Variants in PAK5 observed in about 807,000 individuals in gnomAD.
PAK5 encodes the protein serine/threonine-protein kinase PAK 5.
PAK5 carries 16 observed loss-of-function variants against 65.9 expected under a neutral mutation model. That is an observed-to-expected ratio of 0.24 (90% CI 0.16 to 0.37). The LOEUF (loss-of-function observed/expected upper bound fraction) is 0.37. PAK5 is among the 10% of genes least tolerant of loss of function. PAK5 has a pLI of 1.00. For synonymous variants in PAK5, 371 were observed against 354.9 expected, an observed-to-expected ratio of 1.05 and a Z score of -0.51; for missense variants, 785 against 903.9, an observed-to-expected ratio of 0.87 and a Z score of 1.69.
chr20:9,578,153 T>C (rs990616845), intron 4 of PAK5, among the ~76,000 whole-genome samples: 1 of 152,154 alleles, frequency 6.6e-6, no homozygotes, highest in African/African-American at 2.4e-5. Context: ...ACTTGAGTTC[T>C]TGTCCTTGTT....
intron 1 of PAK5, among the ~76,000 whole-genome samples, chr20:9,712,937 A>G (rs1645983289): frequency 6.6e-6 from 1 of 152,148 alleles, no homozygotes; most frequent in African/African-American, 2.4e-5. Context: ...TTGAGAAAAC[A>G]TTACAAGACA....
intron 3 of PAK5, among the ~76,000 whole-genome samples, chr20:9,589,966 A>C (rs1316311396): frequency 6.6e-6 from 1 of 152,158 alleles, no homozygotes; most frequent in African/African-American, 2.4e-5. Context: ...TCATCTTTAA[A>C]AATCAAGATG....
intron 3 of PAK5, among the ~76,000 whole-genome samples, chr20:9,626,894 T>G (rs2046852264): frequency 6.6e-6 from 1 of 152,122 alleles, no homozygotes; most frequent in Non-Finnish European, 1.5e-5. Context: ...CAGTCAACAA[T>G]CTCACCCTTT....
chr20:9,577,427 CCCT>C (rs2045905811), intron 4 of PAK5: 1 of 140,690 alleles, frequency 7.1e-6, no homozygotes, highest in Admixed American at 7.0e-5. Context: ...ACACACATGA[CCCT>C]CCTCATTTCT....
At position 9,832,934 on chromosome 20, in the gene PAK5, T is replaced by G. The variant is rs183204692; in HGVS notation, c.-162+5828A>C. On this transcript the variant is annotated intron_variant, in intron 1 of 9. Transcript: ENST00000353224. ...GTCATGTCATGTTTGGTGTCAATAT[T>G]GTTTTCCATGATTCTGTTCTGTTTA... Among the ~76,000 whole-genome samples, 406 of 152,358 alleles carry G rather than the reference T, an allele frequency of 2.7e-3. 2 individuals are homozygous for G. The highest frequency in any genetic ancestry group is 6.8e-3 in the Middle Eastern group (2 of 294).
intron 2 of PAK5, among the ~76,000 whole-genome samples, chr20:9,708,991 A>T (rs1008929418): frequency 6.6e-6 from 1 of 152,062 alleles, no homozygotes; most frequent in Non-Finnish European, 1.5e-5. Context: ...CTGAATAAAC[A>T]CCACTCCATT....
chr20:9,735,300 G>T (rs762187879), intron 1 of PAK5, among the ~76,000 whole-genome samples: 3 of 152,066 alleles, frequency 2.0e-5, no homozygotes, highest in Non-Finnish European at 4.4e-5. Context: ...AAGTGAGGCA[G>T]GAGTGAAAGG....
intron 1 of PAK5, among the ~76,000 whole-genome samples, chr20:9,730,639 A>T (rs2123552592): frequency 6.6e-6 from 1 of 152,318 alleles, no homozygotes. Context: ...TGGAGAAGCT[A>T]TGATGATATC....
intron 2 of PAK5, among the ~76,000 whole-genome samples, chr20:9,693,309 C>A (rs2047823041): frequency 6.6e-6 from 1 of 152,120 alleles, no homozygotes; most frequent in Non-Finnish European, 1.5e-5. Flanking sequence ...GGAGAAATGG[C>A]TTTGGCTTTT....
chr20:9,548,799 G>A (rs919911638), intron 7 of PAK5, among the ~76,000 whole-genome samples: 2 of 152,168 alleles, frequency 1.3e-5, no homozygotes, highest in Admixed American at 1.3e-4. Flanking sequence ...CAGATGAAAT[G>A]AAAATAACAT....
intron 3 of PAK5, among the ~76,000 whole-genome samples, chr20:9,582,742 A>G (rs1461620398): frequency 6.6e-6 from 1 of 152,002 alleles, no homozygotes; most frequent in Non-Finnish European, 1.5e-5. Context: ...TGCACAGGAG[A>G]CTTGCTTATT....
intron 4 of PAK5, among the ~76,000 whole-genome samples, chr20:9,575,127 C>T (rs1160062305): frequency 6.6e-6 from 1 of 152,224 alleles, no homozygotes; most frequent in Non-Finnish European, 1.5e-5. Context: ...GCAGTGAAAA[C>T]ACATTGAACT....
chr20:9,654,856 C>T (rs2123310501), intron 2 of PAK5, among the ~76,000 whole-genome samples: 1 of 152,272 alleles, frequency 6.6e-6, no homozygotes, highest in South Asian at 2.1e-4. Flanking sequence ...GACCCTCACC[C>T]AAAGTCTCTT....
intron 7 of PAK5, among the ~76,000 whole-genome samples, chr20:9,553,804 C>T (rs2045466827): frequency 6.6e-6 from 1 of 152,140 alleles, no homozygotes; most frequent in Non-Finnish European, 1.5e-5. Context: ...AAGAAAACTG[C>T]TATAAACATT....
At chr20:9,742,033 G>C (rs955131820) in intron 1 of PAK5, among the ~76,000 whole-genome samples, 1 of 152,046 alleles carries the variant, frequency 6.6e-6, no homozygotes, top group South Asian at 2.1e-4. Context: ...TGGTCCCAAG[G>C]TGAACAGATT....
chr20:9,760,613 CT>C (rs1489042784), intron 1 of PAK5, among the ~76,000 whole-genome samples: 2 of 145,918 alleles, frequency 1.4e-5, no homozygotes, highest in Non-Finnish European at 3.0e-5. Flanking sequence ...AGTTTAGCTT[CT>C]TTTTGAAGTT....
At chr20:9,674,411 A>G (rs2123379856) in intron 2 of PAK5, among the ~76,000 whole-genome samples, 1 of 152,348 alleles carries the variant, frequency 6.6e-6, no homozygotes, top group South Asian at 2.1e-4. Flanking sequence ...TTGGGGATCA[A>G]TACTAGAGGA....
chr20:9,608,168 C>T (rs1226557457), intron 3 of PAK5, among the ~76,000 whole-genome samples: 2 of 152,166 alleles, frequency 1.3e-5, no homozygotes, highest in Non-Finnish European at 2.9e-5. Flanking sequence ...AAGGCCCCAC[C>T]TCCAAATATC....
chr20:9,566,754 G>A (rs2123005082), intron 4 of PAK5, among the ~76,000 whole-genome samples: 1 of 152,244 alleles, frequency 6.6e-6, no homozygotes, highest in East Asian at 1.9e-4. Context: ...ATACTAGAGG[G>A]TGGTATGGAC....
Sources: allele counts gnomAD v4.1 joint callset (sites outside exome capture counted in the v4.1 genomes callset), GRCh38; gene constraint gnomAD v4.1.1; transcripts MANE v1.5; gene names NCBI Gene and HGNC (gene_info 2026-07-23, HGNC 2026-07-21).